The following ALG1L2 variants were observed in gnomAD, a reference collection of about 807,000 sequenced individuals.
The protein encoded by ALG1L2 is putative glycosyltransferase ALG1L2.
In ALG1L2, 32 loss-of-function variants were observed where a neutral mutation model predicts 29.0. That is an observed-to-expected ratio of 1.10 (90% CI 0.83 to 1.48). The LOEUF is 1.48. Among genes scored for constraint, ALG1L2 ranks in the 40% most tolerant of loss-of-function variants. ALG1L2 has a pLI of 0.00. For missense variants in ALG1L2, 318 were observed against 274.1 expected (o/e 1.16, Z -1.13); for synonymous variants, 110 against 109.5 (o/e 1.00, Z -0.03).
chr3:130,086,194 T>A (rs201244402), intron 1 of ALG1L2, among the ~76,000 whole-genome samples: 1 of 150,674 alleles, frequency 6.6e-6, no homozygotes, highest in Non-Finnish European at 1.5e-5. Context: ...GCCTTGTTTG[T>A]CAGCAGCTCA....
At chr3:130,091,080 C>T (rs1935002932) in intron 1 of ALG1L2, 181 bp from the exon 2 acceptor site, 2 of 612,058 alleles carry the variant, frequency 3.3e-6, no homozygotes, top group Non-Finnish European at 5.7e-6. Context: ...TGTAAAAAGC[C>T]CCTTTCATTC....
chr3:130,094,667 C>T (rs1230015363), intron 5 of ALG1L2, among the ~76,000 whole-genome samples, 154 bp downstream of exon 5: 1 of 152,204 alleles, frequency 6.6e-6, no homozygotes, highest in East Asian at 1.9e-4. Context: ...AGGCTACTTC[C>T]TGGTGTGCCA....
At chr3:130,087,994 T>C (rs1318011632) in intron 1 of ALG1L2, among the ~76,000 whole-genome samples, 1 of 152,308 alleles carries the variant, frequency 6.6e-6, no homozygotes, top group Non-Finnish European at 1.5e-5. Context: ...TTAGTGTCAT[T>C]GGGTTGACAG....
intron 1 of ALG1L2, chr3:130,091,015 A>G (rs1319108970): frequency 1.0e-5 from 5 of 500,644 alleles, no homozygotes; most frequent in African/African-American, 7.8e-5. Context: ...TTTATCTTAG[A>G]CCTAGCCTGG....
chr3:130,085,514 G>A (rs1934870587), intron 1 of ALG1L2, among the ~76,000 whole-genome samples: 1 of 149,230 alleles, frequency 6.7e-6, no homozygotes, highest in Admixed American at 6.7e-5. Context: ...TAGGGTTACA[G>A]GCATGAGCCA....
intron 3 of ALG1L2, among the ~76,000 whole-genome samples, chr3:130,092,812 C>A (rs1428949900): frequency 6.6e-6 from 1 of 152,126 alleles, no homozygotes; most frequent in African/African-American, 2.4e-5. Flanking sequence ...AGGCAGATCA[C>A]CTGAGGTCAG....
chr3:130,096,618 C>A (rs1935140238), intron 6 of ALG1L2, among the ~76,000 whole-genome samples: 1 of 152,120 alleles, frequency 6.6e-6, no homozygotes, highest in Admixed American at 6.5e-5. Context: ...GAGTGTCATG[C>A]TGTGGCCTCA....
rs192640090 is a variant in ALG1L2 at position 130,094,767 on chromosome 3, C to A, written c.424+254C>A. Reference sequence around the variant, plus strand: ...CAGCCTGCCACGCCCTCCATTCAGTCCTCTTCCTTCCTGCAAGAGGGCTGG... The same window carrying A: ...CAGCCTGCCACGCCCTCCATTCAGTACTCTTCCTTCCTGCAAGAGGGCTGG... On this transcript the variant is annotated intron_variant, in intron 5 of 7. Transcript: ENST00000425059. Among the ~76,000 whole-genome samples, 708 of 152,296 alleles carry A rather than the reference C, an allele frequency of 4.6e-3. 6 individuals carry two copies. Among genetic ancestry groups the A allele is most frequent in the African/African-American group, 0.016 (651 of 41,550 alleles).
intron 1 of ALG1L2, among the ~76,000 whole-genome samples, chr3:130,087,185 A>G (rs1444492875): frequency 6.7e-6 from 1 of 149,714 alleles, no homozygotes; most frequent in African/African-American, 2.4e-5. Flanking sequence ...GTAATGGGGT[A>G]AACCATCAAC....
intron 1 of ALG1L2, 41 bp from the exon 2 acceptor site, chr3:130,091,220 T>A (rs1368883580): frequency 6.3e-7 from 1 of 1,576,668 alleles, no homozygotes; most frequent in Non-Finnish European, 8.6e-7. Flanking sequence ...GTAGCCTCCA[T>A]GCTGGACTAA....
chr3:130,088,076 T>G (rs544184756), intron 1 of ALG1L2, among the ~76,000 whole-genome samples: 3 of 152,398 alleles, frequency 2.0e-5, no homozygotes, highest in East Asian at 3.8e-4. Context: ...GGGGGCCACA[T>G]GGTGACTCAA....
chr3:130,094,060 C>T, intron 4 of ALG1L2: 1 of 328,800 alleles, frequency 3.0e-6, no homozygotes, highest in South Asian at 2.8e-5. Flanking sequence ...TGTGCCAGGG[C>T]AGAGGGAGTC....
Position 130,081,998 on chromosome 3 carries a change from A to C in ALG1L2, c.-19A>C. The C allele has an allele frequency of 6.7e-7, 1 of 1,490,694 alleles. No homozygotes were observed. The highest frequency in any genetic ancestry group is 2.5e-5 in the East Asian group (1 of 40,732). 92.3% of individuals were successfully genotyped at this position (1,490,694 alleles called of 1,614,324 possible). On this transcript the variant is annotated 5_prime_UTR_variant, in exon 1 of 8. Coordinates refer to ENST00000425059, the MANE Select transcript of ALG1L2 (RefSeq NM_001136152.1). ...AAGCAGTTCCTTGCTAAGAAGTCTG[A>C]ATTTTAACCTGAAGGGACATGGGAG...
At chr3:130,094,756 C>A (rs1322054029) in intron 5 of ALG1L2, among the ~76,000 whole-genome samples, 2 of 152,232 alleles carry the variant, frequency 1.3e-5, no homozygotes, top group African/African-American at 4.8e-5. Flanking sequence ...CTGCCACGCC[C>A]TCCATTCAGT....
intron 5 of ALG1L2, among the ~76,000 whole-genome samples, chr3:130,094,971 G>A (rs551211218): frequency 6.6e-6 from 1 of 152,314 alleles, no homozygotes; most frequent in South Asian, 2.1e-4. Context: ...CGTCTCTAGA[G>A]CCACATCTTC....
chr3:130,093,623 C>T (rs1170006262), intron 4 of ALG1L2, among the ~76,000 whole-genome samples: 1 of 152,106 alleles, frequency 6.6e-6, no homozygotes, highest in African/African-American at 2.4e-5. Flanking sequence ...AGGGCTTCAC[C>T]ATGTTGGCCA....
chr3:130,094,262 C>T, intron 4 of ALG1L2, 141 bp from the exon 5 acceptor site: 1 of 1,086,722 alleles, frequency 9.2e-7, no homozygotes, highest in Non-Finnish European at 1.4e-6. Flanking sequence ...TCTGGAAAGG[C>T]CCAGATAGGG....
intron 5 of ALG1L2, among the ~76,000 whole-genome samples, chr3:130,094,961 C>T (rs899221014): frequency 2.6e-5 from 4 of 152,182 alleles, no homozygotes; most frequent in South Asian, 2.1e-4. Context: ...GTTCCTGATG[C>T]GTCTCTAGAG....
chr3:130,084,219 A>G (rs1404084650), intron 1 of ALG1L2, among the ~76,000 whole-genome samples: 115 of 151,316 alleles, frequency 7.6e-4, no homozygotes, highest in Non-Finnish European at 1.5e-3. Flanking sequence ...CCAGCTACTC[A>G]GGCTGAGACA....
Sources: gnomAD v4.1 joint callset for allele counts (sites outside exome capture counted in the v4.1 genomes callset) on GRCh38, gnomAD v4.1.1 for gene constraint, MANE v1.5 for transcripts, NCBI Gene and HGNC (gene_info 2026-07-23, HGNC 2026-07-21) for gene names.